Variants in PIGN observed in about 807,000 individuals in gnomAD.
The protein encoded by PIGN is GPI ethanolamine phosphate transferase 1.
PIGN carries 117 observed loss-of-function variants against 125.4 expected under a neutral mutation model. The observed-to-expected ratio is 0.93, with a 90% CI of 0.80 to 1.09. The LOEUF (loss-of-function observed/expected upper bound fraction) is 1.09. PIGN is among the 50% of genes least tolerant of loss of function. The probability of loss-of-function intolerance (pLI) is 0.00; values close to 1 mark genes in which losing one functional copy is unlikely to be tolerated. For missense variants in PIGN, 1,075 were observed against 1,094.9 expected (o/e 0.98, Z 0.26); for synonymous variants, 392 against 377.8 (o/e 1.04, Z -0.44).
intron 10 of PIGN, among the ~76,000 whole-genome samples, chr18:62,144,000 T>C (rs1024187120): frequency 2.2e-4 from 33 of 152,302 alleles, no homozygotes; most frequent in Middle Eastern, 3.4e-3. Flanking sequence ...ATAAGATATT[T>C]GTATAATAAA....
rs577192982 is a variant in PIGN, at chr18:62,170,202, G to C, written c.-235-6546C>G. On this transcript the variant is annotated intron_variant, in intron 1 of 30. Transcript: ENST00000640252. The stretch of plus-strand genomic sequence containing the variant: ...AATTTTTTAATTAGATTGTGTTCTT[G>C]TCACAGAACCATAATGGTTCTTAAT... Among the ~76,000 whole-genome samples the C allele has an allele frequency of 7.4e-4, 112 of 152,212 alleles. 1 individual carries two copies. The highest frequency in any genetic ancestry group is 6.8e-3 in the Middle Eastern group (2 of 294).
chr18:62,051,074 T>C (rs1339241955), intron 30 of PIGN, among the ~76,000 whole-genome samples: 1 of 148,976 alleles, frequency 6.7e-6, no homozygotes, highest in Non-Finnish European at 1.5e-5. Context: ...GTGGATAAGC[T>C]TTTTGATGTG....
intron 23 of PIGN, among the ~76,000 whole-genome samples, chr18:62,023,585 C>T (rs1389725236): frequency 6.6e-6 from 1 of 152,220 alleles, no homozygotes; most frequent in Non-Finnish European, 1.5e-5. Context: ...AACAGTTCCA[C>T]CATGAACTAT....
chr18:62,079,573 C>T (rs1271099950), intron 28 of PIGN, among the ~76,000 whole-genome samples: 1 of 151,796 alleles, frequency 6.6e-6, no homozygotes, highest in Non-Finnish European at 1.5e-5. Flanking sequence ...GAAACAACAC[C>T]AAATAACATT....
chr18:62,170,819 TA>T (rs1179644477), intron 1 of PIGN, among the ~76,000 whole-genome samples: 3 of 152,214 alleles, frequency 2.0e-5, no homozygotes, highest in Admixed American at 6.5e-5. Context: ...TGAAGAAAAT[TA>T]AAAGTGTTAC....
intron 23 of PIGN, among the ~76,000 whole-genome samples, chr18:62,029,650 A>C (rs2030167278): frequency 6.6e-6 from 1 of 152,212 alleles, no homozygotes; most frequent in Non-Finnish European, 1.5e-5. Context: ...GCCACTCAGA[A>C]AAGCAACGAC....
intron 22 of PIGN, among the ~76,000 whole-genome samples, chr18:62,098,036 T>C (rs1369178068): frequency 6.6e-6 from 1 of 152,220 alleles, no homozygotes; most frequent in Admixed American, 6.5e-5. Context: ...GTTCATTAAC[T>C]GATCCAAGCA....
At chr18:62,175,920 T>G (rs1192465043) in intron 1 of PIGN, among the ~76,000 whole-genome samples, 1 of 151,900 alleles carries the variant, frequency 6.6e-6, no homozygotes, top group Non-Finnish European at 1.5e-5. Context: ...CTTGAAAGCT[T>G]CTAAAATTCC....
chr18:62,175,750 T>C (rs1011527550), intron 1 of PIGN, among the ~76,000 whole-genome samples: 2 of 152,200 alleles, frequency 1.3e-5, no homozygotes, highest in East Asian at 1.9e-4. Context: ...CCTAACGGCA[T>C]AGTGCAGTCA....
At chr18:62,115,140 C>G (rs190067061) in intron 14 of PIGN, among the ~76,000 whole-genome samples, 1 of 152,076 alleles carries the variant, frequency 6.6e-6, no homozygotes, top group Non-Finnish European at 1.5e-5. Context: ...ATAATTTGAA[C>G]GTATTTGCTA....
chr18:62,138,008 A>T, intron 14 of PIGN: 1 of 498,928 alleles, frequency 2.0e-6, no homozygotes. Context: ...CACCTGCTTA[A>T]TATTTCTCAT....
rs1050173272 is a variant in PIGN, at chr18:62,045,956, A to G, written c.2696T>C (p.Met899Thr). ...GAACACCAAAAAGATGGTCATGGACATGACAATCACATAGTGGCTGATGCT... is the reference window on the plus strand; with the variant it reads ...GAACACCAAAAAGATGGTCATGGACGTGACAATCACATAGTGGCTGATGCT... ...GTSISHYVIV[M>T]SMTIFLVFLN... The change falls in exon 31 of 31, where the codon ATG (methionine) becomes ACG (threonine). Residue 899 changes from methionine to threonine, a missense_variant. By Grantham distance (81) the Met-to-Thr change is moderately conservative. Around this residue, in one of 3 missense-constraint regions of PIGN, gnomAD observed 915 missense variants for 908.7 expected, o/e 1.01. Coordinates refer to ENST00000640252, the MANE Select transcript of PIGN (RefSeq NM_176787.5). 1.2e-6 allele frequency: 2 copies of G among 1,613,288 alleles called. No individual in the cohort carries two copies. The highest frequency in any genetic ancestry group is 4.5e-5 in the East Asian group (2 of 44,872).
At chr18:62,102,447 C>T (rs966609751) in intron 21 of PIGN, among the ~76,000 whole-genome samples, 1 of 149,928 alleles carries the variant, frequency 6.7e-6, no homozygotes, top group Non-Finnish European at 1.5e-5. Flanking sequence ...ATAAACATAC[C>T]CCAGGCTGCT....
intron 1 of PIGN, among the ~76,000 whole-genome samples, chr18:62,181,869 GGCACACA>G (rs2037730429): frequency 6.6e-6 from 1 of 152,068 alleles, no homozygotes; most frequent in Admixed American, 6.5e-5. Flanking sequence ...TGGGATTACA[GGCACACA>G]GCATCATGCC....
intron 9 of PIGN, 98 bp downstream of exon 9, chr18:62,146,873 A>G: frequency 8.1e-7 from 1 of 1,234,186 alleles, no homozygotes; most frequent in Admixed American, 2.2e-5. Context: ...TTTTGTATAC[A>G]GCAAGACATC....
chr18:62,185,215 G>A (rs2037852560), intron 1 of PIGN, among the ~76,000 whole-genome samples: 1 of 151,998 alleles, frequency 6.6e-6, no homozygotes, highest in South Asian at 2.1e-4. Context: ...AATCTCTCTG[G>A]AAAATCCAAC....
chr18:62,063,908 T>C (rs2032349400), intron 30 of PIGN, among the ~76,000 whole-genome samples: 1 of 121,020 alleles, frequency 8.3e-6, no homozygotes, highest in Non-Finnish European at 1.6e-5. Context: ...GTAGGAAACA[T>C]CACACACTGA....
chr18:62,028,468 G>T (rs1373782310), intron 23 of PIGN, among the ~76,000 whole-genome samples: 1 of 152,188 alleles, frequency 6.6e-6, no homozygotes, highest in Non-Finnish European at 1.5e-5. Flanking sequence ...TGAAAGAAAT[G>T]CCATTATTTG....
intron 11 of PIGN, among the ~76,000 whole-genome samples, chr18:62,141,092 GCTCT>G (rs1389713520): frequency 6.6e-6 from 1 of 152,082 alleles, no homozygotes; most frequent in Non-Finnish European, 1.5e-5. Flanking sequence ...TCCAAAGACT[GCTCT>G]CTCTAAGAGA....
Sources: gnomAD v4.1 joint callset for allele counts (sites outside exome capture counted in the v4.1 genomes callset) on GRCh38, gnomAD v4.1.1 for gene constraint, gnomAD v4.1.1 regional missense constraint, MANE v1.5 for transcripts, NCBI Gene and HGNC (gene_info 2026-07-23, HGNC 2026-07-21) for gene names.